Variants in MARCHF1 observed in about 807,000 individuals in gnomAD.
MARCHF1 encodes the protein E3 ubiquitin-protein ligase MARCHF1.
In MARCHF1, 40 loss-of-function variants were observed where a neutral mutation model predicts 54.2. The observed-to-expected ratio is 0.74, with a 90% CI of 0.57 to 0.96. The LOEUF (loss-of-function observed/expected upper bound fraction) is 0.96. Ranked by LOEUF, MARCHF1 falls within the 40% of genes least tolerant of loss-of-function variation. MARCHF1 has a pLI of 0.00. For synonymous variants in MARCHF1, 236 were observed against 236.3 expected (o/e 1.00, Z 0.01); for missense variants, 586 against 656.5 (o/e 0.89, Z 1.17).
At chr4:164,149,191 G>A (rs1729861385) in intron 1 of MARCHF1, among the ~76,000 whole-genome samples, 1 of 152,194 alleles carries the variant, frequency 6.6e-6, no homozygotes, top group African/African-American at 2.4e-5. Context: ...CTCATCAGAA[G>A]CTGAGCAGAT....
chr4:163,759,460 A>T (rs1348477512), intron 4 of MARCHF1, among the ~76,000 whole-genome samples: 2 of 152,160 alleles, frequency 1.3e-5, no homozygotes, highest in Non-Finnish European at 2.9e-5. Flanking sequence ...ATTGTAAGTT[A>T]CAATCTGCCA....
chr4:163,532,928 TG>T (rs1411908934), intron 9 of MARCHF1, among the ~76,000 whole-genome samples: 3 of 151,934 alleles, frequency 2.0e-5, no homozygotes, highest in African/African-American at 7.2e-5. Flanking sequence ...GTATGCAAAA[TG>T]GTACAGTCAC....
intron 3 of MARCHF1, among the ~76,000 whole-genome samples, chr4:163,872,992 C>T (rs1477016796): frequency 6.6e-6 from 1 of 151,576 alleles, no homozygotes; most frequent in Non-Finnish European, 1.5e-5. Flanking sequence ...TGCAGTGAGC[C>T]GAGATCGCGC....
chr4:164,359,331 G>A (rs1222922606), intron 1 of MARCHF1, among the ~76,000 whole-genome samples: 1 of 152,152 alleles, frequency 6.6e-6, no homozygotes, highest in Non-Finnish European at 1.5e-5. Flanking sequence ...GTTGTCTAAT[G>A]CATTTAAAAG....
chr4:163,699,817 A>G (rs767731766), intron 5 of MARCHF1, among the ~76,000 whole-genome samples: 18 of 152,124 alleles, frequency 1.2e-4, no homozygotes, highest in Non-Finnish European at 2.6e-4. Flanking sequence ...CCAGGTGTAT[A>G]TATCACATGG....
At chr4:163,658,607 G>A (rs974677526) in intron 5 of MARCHF1, among the ~76,000 whole-genome samples, 1 of 151,648 alleles carries the variant, frequency 6.6e-6, no homozygotes. Context: ...ATAATATACA[G>A]CCATAAAAAG....
At chr4:163,807,847 A>C (rs1479760945) in intron 4 of MARCHF1, among the ~76,000 whole-genome samples, 1 of 151,732 alleles carries the variant, frequency 6.6e-6, no homozygotes, top group Non-Finnish European at 1.5e-5. Context: ...TGCCTCTTAT[A>C]CGTTTCTGTT....
intron 1 of MARCHF1, among the ~76,000 whole-genome samples, chr4:164,351,240 C>G (rs898328064): frequency 2.7e-5 from 4 of 149,052 alleles, no homozygotes; most frequent in Admixed American, 6.6e-5. Flanking sequence ...CCTGGAAGCT[C>G]CAACTGGGTG....
At chr4:163,856,873 G>A (rs767454920) in intron 3 of MARCHF1, among the ~76,000 whole-genome samples, 6 of 151,960 alleles carry the variant, frequency 3.9e-5, no homozygotes, top group Non-Finnish European at 5.9e-5. Context: ...TTAGCCGGGC[G>A]TGGTGGCATG....
At chr4:163,544,595 G>A (rs538171861) in intron 9 of MARCHF1, among the ~76,000 whole-genome samples, 5 of 152,330 alleles carry the variant, frequency 3.3e-5, no homozygotes, top group African/African-American at 4.8e-5. Flanking sequence ...TAGAGGGCGA[G>A]TGTGAGAATG....
chr4:163,564,993 T>TAAA (rs1344369739), intron 8 of MARCHF1, among the ~76,000 whole-genome samples: 1 of 152,116 alleles, frequency 6.6e-6, no homozygotes, highest in Non-Finnish European at 1.5e-5. Context: ...CCTCGACTCT[T>TAAA]AAAAAGAAGA....
chr4:164,185,800 A>ACG (rs1730953153), intron 1 of MARCHF1, among the ~76,000 whole-genome samples: 1 of 43,876 alleles, frequency 2.3e-5, no homozygotes, highest in African/African-American at 6.9e-5. Flanking sequence ...ACACACACAC[A>ACG]CACACACACA....
chr4:164,092,484 C>T (rs76215577), intron 2 of MARCHF1, among the ~76,000 whole-genome samples: 5,900 of 152,106 alleles, frequency 0.039, 220 homozygotes, highest in African/African-American at 0.091. Flanking sequence ...TGAAGTTCAA[C>T]GGGATGTGAT....
chr4:164,096,393 C>T (rs989992255), intron 2 of MARCHF1, among the ~76,000 whole-genome samples: 148 of 151,874 alleles, frequency 9.7e-4, no homozygotes, highest in African/African-American at 3.3e-3. Flanking sequence ...AAATTGGGAA[C>T]AATAGACACT....
intron 8 of MARCHF1, among the ~76,000 whole-genome samples, chr4:163,546,098 A>G (rs1266147566): frequency 2.0e-5 from 3 of 151,916 alleles, no homozygotes; most frequent in African/African-American, 7.3e-5. Flanking sequence ...CTCAGCCCCC[A>G]GAGTAGCTGG....
intron 7 of MARCHF1, among the ~76,000 whole-genome samples, chr4:163,607,061 G>A (rs1320082818): frequency 6.6e-6 from 1 of 152,048 alleles, no homozygotes; most frequent in Non-Finnish European, 1.5e-5. Context: ...GTCTGCAGTT[G>A]GAGGAAATGA....
chr4:163,716,005 G>A (rs1745244449), intron 4 of MARCHF1, among the ~76,000 whole-genome samples: 1 of 152,142 alleles, frequency 6.6e-6, no homozygotes, highest in Non-Finnish European at 1.5e-5. Context: ...AATGCAAGAA[G>A]ATGGATATGT....
rs115435957 is a variant in MARCHF1 at position 164,127,659 on chromosome 4, T to G, written c.-322-15997A>C. ...AATAACTCACTTATTATAGAAGTGA[T>G]GAGAACAATAAAATGATCAAAGAAT... On this transcript the variant is annotated intron_variant, in intron 1 of 9. Coordinates refer to ENST00000514618, the MANE Select transcript of MARCHF1 (RefSeq NM_001394959.1). Among the ~76,000 whole-genome samples the G allele has an allele frequency of 3.4e-3, 521 of 152,152 alleles. 4 individuals carry two copies. Among genetic ancestry groups the G allele is most frequent in the African/African-American group, 0.012 (487 of 41,522 alleles).
At chr4:163,860,734 C>G (rs747797570) in intron 3 of MARCHF1, among the ~76,000 whole-genome samples, 1 of 152,218 alleles carries the variant, frequency 6.6e-6, no homozygotes, top group Non-Finnish European at 1.5e-5. Context: ...GATGCACACT[C>G]TCTTTGTGGA....
Sources: allele counts gnomAD v4.1 joint callset (sites outside exome capture counted in the v4.1 genomes callset), GRCh38; gene constraint gnomAD v4.1.1; transcripts MANE v1.5; gene names NCBI Gene and HGNC (gene_info 2026-07-23, HGNC 2026-07-21).